Variants in SYCP1 observed in about 807,000 individuals in gnomAD.
SYCP1 encodes the protein synaptonemal complex protein 1, also known as cancer/testis antigen 8.
A neutral mutation model predicts 153.1 loss-of-function variants in SYCP1; 64 were observed. The observed-to-expected ratio is 0.42, with a 90% confidence interval of 0.34 to 0.51. The LOEUF is 0.51. Among genes scored for constraint, SYCP1 ranks in the 20% least tolerant of loss-of-function variants. The pLI is 0.06. For missense variants in SYCP1, 997 were observed against 1,049.0 expected (o/e 0.95, Z 0.68); for synonymous variants, 384 against 341.8 (o/e 1.12, Z -1.36).
intron 20 of SYCP1, 127 bp from the exon 21 acceptor site, chr1:114,923,314 ATGAAGTAT>A: frequency 1.1e-6 from 1 of 871,380 alleles, no homozygotes; most frequent in South Asian, 1.9e-5. Context: ...TACTTATATT[ATGAAGTAT>A]TCAGTTTTGG....
At chr1:114,978,490 TCATAGAGAAGAAGA>T (rs1672941003) in intron 28 of SYCP1, among the ~76,000 whole-genome samples, 1 of 151,604 alleles carries the variant, frequency 6.6e-6, no homozygotes, top group Non-Finnish European at 1.5e-5. Flanking sequence ...GAAACATCAG[TCATAGAGAAGAAGA>T]ATACCCCTCA....
At chr1:114,882,459 T>C (rs928252544) in intron 12 of SYCP1, among the ~76,000 whole-genome samples, 1 of 152,152 alleles carries the variant, frequency 6.6e-6, no homozygotes, top group Non-Finnish European at 1.5e-5. Flanking sequence ...CTTCTTTTTC[T>C]AACCTGCCAT....
chr1:114,965,523 A>G (rs1672060591), intron 27 of SYCP1, among the ~76,000 whole-genome samples: 1 of 152,078 alleles, frequency 6.6e-6, no homozygotes, highest in Non-Finnish European at 1.5e-5. Context: ...TTATTTTGAG[A>G]TATGTTCCAT....
At chr1:114,981,987 TC>T (rs1673186374) in intron 29 of SYCP1, among the ~76,000 whole-genome samples, 2 of 152,054 alleles carry the variant, frequency 1.3e-5, no homozygotes, top group African/African-American at 4.8e-5. Flanking sequence ...TTGGCAGTCA[TC>T]TTGGAGCAGA....
chr1:114,962,563 G>A (rs555417323), intron 27 of SYCP1, among the ~76,000 whole-genome samples: 2 of 152,210 alleles, frequency 1.3e-5, no homozygotes, highest in African/African-American at 4.8e-5. Flanking sequence ...TATGTGTTAT[G>A]TTAGGTGAGT....
At chr1:114,941,532 C>A (rs1670388739) in intron 23 of SYCP1, among the ~76,000 whole-genome samples, 1 of 151,970 alleles carries the variant, frequency 6.6e-6, no homozygotes, top group Admixed American at 6.6e-5. Context: ...ATCTTTGTCT[C>A]TTTTACTGGT....
In SYCP1 at chr1:114,908,730, T is replaced by C. The variant is rs183874959; in HGVS notation, c.1321-1667T>C. 7.2e-4 allele frequency among the ~76,000 whole-genome samples: 110 copies of C among 152,312 alleles called. 1 individual carries two copies. The highest frequency in any genetic ancestry group is 2.6e-3 in the African/African-American group (108 of 41,578). ...TTTCCTTAGATTTTCTATCTTTTTA[T>C]TCATTTTAAGAGTATTTCCTATACC... On this transcript the variant is annotated intron_variant, in intron 16 of 31. Coordinates refer to ENST00000369522, the MANE Select transcript of SYCP1 (RefSeq NM_003176.4).
At chr1:114,909,495 T>TACACAC (rs57520899) in intron 16 of SYCP1, among the ~76,000 whole-genome samples, 1,645 of 106,460 alleles carry the variant, frequency 0.015, 18 homozygotes, top group Non-Finnish European at 0.022. Flanking sequence ...TCCCTTGCTG[T>TACACAC]ACACACACAC....
intron 19 of SYCP1, 105 bp from the exon 20 acceptor site, chr1:114,913,870 A>G (rs1668340118): frequency 2.4e-6 from 2 of 839,384 alleles, no homozygotes; most frequent in Middle Eastern, 3.9e-4. Flanking sequence ...TGCTTTATAT[A>G]TAACTAAATA....
intron 27 of SYCP1, among the ~76,000 whole-genome samples, chr1:114,967,734 CTGGTT>C: frequency 6.6e-6 from 1 of 152,122 alleles, no homozygotes; most frequent in Non-Finnish European, 1.5e-5. Context: ...ATGATGCTAG[CTGGTT>C]ATTTTGCCCA....
rs767347384 is a variant in SYCP1 at position 114,946,361 on chromosome 1, T to C, written c.2227T>C (p.Ser743Pro). 1 of 1,587,792 alleles carries C rather than the reference T, an allele frequency of 6.3e-7. No individual in the cohort carries two copies. The highest frequency in any genetic ancestry group is 8.5e-7 in the Non-Finnish European group (1 of 1,169,848). ...TTATAAGAGCAAAGAACAAGAACAG[T>C]CATCACTGAGAGCATCTTTGGTGAG... ...GLYKSKEQEQSSLRASLEIEL... is the reference protein window; with the variant it reads ...GLYKSKEQEQPSLRASLEIEL... Residue 743 changes from serine (S) to proline (P), a missense_variant, in exon 26 of 32, where the codon TCA (serine) becomes CCA (proline). Physicochemically the swap from Ser to Pro is moderately conservative, Grantham distance 74. Coordinates refer to ENST00000369522, the MANE Select transcript of SYCP1 (RefSeq NM_003176.4).
chr1:114,922,629 C>T (rs1287384790), intron 20 of SYCP1, among the ~76,000 whole-genome samples: 1 of 152,122 alleles, frequency 6.6e-6, no homozygotes, highest in African/African-American at 2.4e-5. Flanking sequence ...CCAGGCCCCA[C>T]CTCCAATATT....
At chr1:114,859,708 C>G in intron 6 of SYCP1, 35 bp from the exon 7 acceptor site, 1 of 993,896 alleles carries the variant, frequency 1.0e-6, no homozygotes, top group South Asian at 1.8e-5. Context: ...TGCTAATAAG[C>G]AAAATGGGAT....
chr1:114,881,898 A>G (rs1208422552), intron 12 of SYCP1, among the ~76,000 whole-genome samples: 1 of 152,170 alleles, frequency 6.6e-6, no homozygotes, highest in Non-Finnish European at 1.5e-5. Flanking sequence ...ACAGTATAAT[A>G]TGTTAACTCA....
chr1:114,967,898 A>G (rs1012200828), intron 27 of SYCP1, among the ~76,000 whole-genome samples: 4 of 152,032 alleles, frequency 2.6e-5, no homozygotes, highest in Admixed American at 2.6e-4. Context: ...ATCCCTTAGC[A>G]TTGCTTGTCT....
intron 29 of SYCP1, among the ~76,000 whole-genome samples, chr1:114,982,145 C>A (rs891134944): frequency 6.6e-6 from 1 of 151,950 alleles, no homozygotes; most frequent in Non-Finnish European, 1.5e-5. Context: ...CTTTTCCTCT[C>A]CTCAGCTAGA....
chr1:114,973,591 G>A (rs1454390310), intron 27 of SYCP1, among the ~76,000 whole-genome samples: 1 of 151,996 alleles, frequency 6.6e-6, no homozygotes, highest in Non-Finnish European at 1.5e-5. Flanking sequence ...TGTATATTGT[G>A]GCTCTCTTAC....
At chr1:114,910,801 C>G (rs775920951) in intron 17 of SYCP1, among the ~76,000 whole-genome samples, 1 of 151,978 alleles carries the variant, frequency 6.6e-6, no homozygotes, top group African/African-American at 2.4e-5. Context: ...TGCTATGTTG[C>G]CCAGGCTGGA....
chr1:114,922,393 C>A (rs530412609), intron 20 of SYCP1, among the ~76,000 whole-genome samples: 1 of 152,130 alleles, frequency 6.6e-6, no homozygotes, highest in South Asian at 2.1e-4. Context: ...TTCATAGTTC[C>A]ATAGGTCATA....
Sources: allele counts gnomAD v4.1 joint callset (sites outside exome capture counted in the v4.1 genomes callset), GRCh38; gene constraint gnomAD v4.1.1; transcripts MANE v1.5; gene names NCBI Gene and HGNC (gene_info 2026-07-23, HGNC 2026-07-21).